The following SLC9B1 variants were observed in gnomAD, a reference collection of about 807,000 sequenced individuals.
The protein encoded by SLC9B1 is sodium/hydrogen exchanger 9B1.
A neutral mutation model predicts 51.7 loss-of-function variants in SLC9B1; 32 were observed. The observed-to-expected ratio is 0.62, with a 90% confidence interval of 0.47 to 0.83. The LOEUF is 0.83. SLC9B1 is among the 40% of genes least tolerant of loss of function. The pLI is 0.00. For missense variants in SLC9B1, 406 were observed against 613.2 expected, an observed-to-expected ratio of 0.66 and a Z score of 3.57; for synonymous variants, 145 against 212.7, an observed-to-expected ratio of 0.68 and a Z score of 2.77.
At chr4:102,923,267 T>G (rs1735976835) in intron 7 of SLC9B1, among the ~76,000 whole-genome samples, 2 of 152,086 alleles carry the variant, frequency 1.3e-5, no homozygotes, top group Non-Finnish European at 1.5e-5. Context: ...CATACACAAA[T>G]CAATAAATGT....
chr4:102,948,950 C>T (rs1265175514), intron 4 of SLC9B1, among the ~76,000 whole-genome samples: 3 of 151,704 alleles, frequency 2.0e-5, no homozygotes, highest in Admixed American at 6.6e-5. Context: ...ATATGTACCC[C>T]GTGAATCTAA....
chr4:102,910,376 TA>T, intron 9 of SLC9B1, 62 bp downstream of exon 9: 2 of 1,421,196 alleles, frequency 1.4e-6, no homozygotes, highest in African/African-American at 1.5e-5. Context: ...GGGGATTTCC[TA>T]AATATATGTA....
At chr4:102,983,665 A>T (rs12500379) in intron 3 of SLC9B1, among the ~76,000 whole-genome samples, 1 of 151,848 alleles carries the variant, frequency 6.6e-6, no homozygotes, top group African/African-American at 2.4e-5. Context: ...AATTTGTGGG[A>T]ATAAAGTTGT....
At position 102,946,671 on chromosome 4, in the gene SLC9B1, T is replaced by C. The variant is rs767160142; in HGVS notation, c.501A>G (p.Arg167=). The C allele has an allele frequency of 6.0e-5, 97 of 1,609,590 alleles. No homozygotes were observed. The highest frequency in any genetic ancestry group is 4.5e-4 in the Middle Eastern group (2 of 4,424). ...RSIALTIILI[R]AGLGLDPQAL... The stretch of plus-strand genomic sequence containing the variant: ...CCTGTGGATCGAGTCCAAGCCCAGC[T>C]CTTATTAGAATAATGGTAAGGGCAA... Residue 167 remains arginine (R), a synonymous_variant, in exon 5 of 12, where the codon AGA becomes AGG. Coordinates refer to ENST00000296422, the MANE Select transcript of SLC9B1 (RefSeq NM_139173.4).
At chr4:103,015,689 C>T (rs1028235527) in intron 1 of SLC9B1, among the ~76,000 whole-genome samples, 4 of 152,134 alleles carry the variant, frequency 2.6e-5, no homozygotes, top group African/African-American at 9.7e-5. Context: ...AAATATTCCT[C>T]CTCACTCTTT....
chr4:102,969,697 AAGG>A (rs1275387772), intron 3 of SLC9B1, among the ~76,000 whole-genome samples: 1 of 152,232 alleles, frequency 6.6e-6, no homozygotes, highest in Non-Finnish European at 1.5e-5. Flanking sequence ...CTCCGAGCCA[AAGG>A]AGGATGTTCG....
intron 1 of SLC9B1, among the ~76,000 whole-genome samples, chr4:102,999,333 C>T (rs1160613610): frequency 1.3e-5 from 2 of 152,128 alleles, no homozygotes; most frequent in Non-Finnish European, 2.9e-5. Flanking sequence ...CCTTTTGTTG[C>T]CTGTACTTTT....
At chr4:102,955,899 A>AAGAGAGAG (rs58779428) in intron 3 of SLC9B1, among the ~76,000 whole-genome samples, 5 of 107,962 alleles carry the variant, frequency 4.6e-5, no homozygotes, top group East Asian at 5.1e-4. Context: ...GAAAGAAAGA[A>AAGAGAGAG]AGAGAGAGAA....
At chr4:102,941,430 A>G (rs1415695653) in intron 6 of SLC9B1, 1 of 454,814 alleles carries the variant, frequency 2.2e-6, no homozygotes, top group Non-Finnish European at 4.4e-6. Context: ...ATGCAAAACA[A>G]AACTGCAGTG....
chr4:102,959,027 A>G (rs1294166794), intron 3 of SLC9B1, among the ~76,000 whole-genome samples: 1 of 152,210 alleles, frequency 6.6e-6, no homozygotes, highest in Non-Finnish European at 1.5e-5. Flanking sequence ...AAGACATGAC[A>G]CATAGAAAAC....
At chr4:103,015,754 G>A (rs1440074639) in intron 1 of SLC9B1, among the ~76,000 whole-genome samples, 5 of 152,064 alleles carry the variant, frequency 3.3e-5, no homozygotes, top group South Asian at 4.1e-4. Context: ...GTATCAGGCC[G>A]AAGGTCTCAC....
chr4:102,920,014 A>C (rs1735782736), intron 7 of SLC9B1, among the ~76,000 whole-genome samples: 2 of 152,190 alleles, frequency 1.3e-5, no homozygotes, highest in South Asian at 4.1e-4. Context: ...TGCAAACTTA[A>C]ACGTCCCTGT....
chr4:102,946,107 A>C (rs955213837), intron 5 of SLC9B1, among the ~76,000 whole-genome samples: 2 of 152,212 alleles, frequency 1.3e-5, no homozygotes, highest in African/African-American at 2.4e-5. Context: ...AAAAGTACAT[A>C]CTTCTCCATA....
intron 7 of SLC9B1, among the ~76,000 whole-genome samples, chr4:102,917,113 C>T (rs1277455557): frequency 6.6e-6 from 1 of 152,218 alleles, no homozygotes; most frequent in African/African-American, 2.4e-5. Flanking sequence ...ATGCCTTTTT[C>T]TCCTCTTGCC....
chr4:102,984,293 T>A (rs1424144430), intron 3 of SLC9B1, among the ~76,000 whole-genome samples: 1 of 152,062 alleles, frequency 6.6e-6, no homozygotes, highest in Non-Finnish European at 1.5e-5. Flanking sequence ...TTTTTATATT[T>A]CTTTGTAGAG....
chr4:102,978,731 T>G (rs960233460), intron 3 of SLC9B1, among the ~76,000 whole-genome samples: 7 of 152,158 alleles, frequency 4.6e-5, no homozygotes, highest in Non-Finnish European at 7.4e-5. Flanking sequence ...GTAAACTAGT[T>G]CAACCATTAT....
chr4:102,889,422 C>G (rs1734116540), intron 11 of SLC9B1: 1 of 152,144 alleles, frequency 6.6e-6, no homozygotes, highest in Non-Finnish European at 1.5e-5. Flanking sequence ...TTTGTAAAAT[C>G]TATCACTGCA....
chr4:102,931,114 T>C (rs1736430167), intron 7 of SLC9B1, among the ~76,000 whole-genome samples: 1 of 151,520 alleles, frequency 6.6e-6, no homozygotes, highest in African/African-American at 2.4e-5. Context: ...TAGTCCCAAC[T>C]ACTTGGGAGG....
intron 1 of SLC9B1, among the ~76,000 whole-genome samples, chr4:103,010,010 T>C (rs1012097317): frequency 3.3e-5 from 5 of 152,206 alleles, no homozygotes; most frequent in African/African-American, 1.2e-4. Context: ...TCAAATTGAC[T>C]GTCATTGTTA....
Sources: gnomAD v4.1 joint callset for allele counts (sites outside exome capture counted in the v4.1 genomes callset) on GRCh38, gnomAD v4.1.1 for gene constraint, MANE v1.5 for transcripts, NCBI Gene and HGNC (gene_info 2026-07-23, HGNC 2026-07-21) for gene names.